Variants in NKPD1 observed in about 807,000 individuals in gnomAD.
The protein encoded by NKPD1 is NTPase KAP family P-loop domain containing 1.
In NKPD1, 37 loss-of-function variants were observed where a neutral mutation model predicts 42.2. That is an observed-to-expected ratio of 0.88 (90% CI 0.67 to 1.15). The LOEUF (loss-of-function observed/expected upper bound fraction) is 1.15, where lower values mean the gene tolerates loss of function less well. NKPD1 is among the 50% of genes most tolerant of loss of function. The pLI is 0.00. For missense variants in NKPD1, 1,113 were observed against 1,174.6 expected (o/e 0.95, Z 0.77); for synonymous variants, 552 against 536.5 (o/e 1.03, Z -0.40).
At chr19:45,159,506 G>A (rs867110620) in intron 2 of NKPD1, among the ~76,000 whole-genome samples, 4 of 152,126 alleles carry the variant, frequency 2.6e-5, no homozygotes, top group Admixed American at 6.5e-5. Flanking sequence ...GGGTGGTGGC[G>A]TGGAGAGGGG....
At chr19:45,155,493 C>T (rs1380866722) in intron 4 of NKPD1, among the ~76,000 whole-genome samples, 1 of 152,198 alleles carries the variant, frequency 6.6e-6, no homozygotes, top group African/African-American at 2.4e-5. Context: ...CTTTCTGCCT[C>T]AGGTGCTGGG....
At chr19:45,155,180 T>A (rs750185879) in intron 4 of NKPD1, among the ~76,000 whole-genome samples, 2 of 151,532 alleles carry the variant, frequency 1.3e-5, no homozygotes, top group Admixed American at 6.6e-5. Context: ...TAGCTGGGCG[T>A]GGTGGTGAGC....
intron 4 of NKPD1, 138 bp from the exon 5 acceptor site, chr19:45,153,913 C>T (rs1968853158): frequency 1.1e-6 from 1 of 880,620 alleles, no homozygotes; most frequent in African/African-American, 1.8e-5. Context: ...GAGCCGCGGC[C>T]GCTCCTTAAA....
chr19:45,155,571 T>C (rs1245729746), intron 4 of NKPD1, among the ~76,000 whole-genome samples: 1 of 150,288 alleles, frequency 6.7e-6, no homozygotes, highest in Non-Finnish European at 1.5e-5. Flanking sequence ...GTCCTTGGAG[T>C]GGATTTGGTG....
rs764156282 is a variant in NKPD1, at chr19:45,152,461, A to G, written c.1976T>C (p.Leu659Pro). ...TPRQAVAWVV[L>P]ANQWPCRLSW... ...CAGGCGGCACGGCCACTGGTTGGCG[A>G]GCACCACCCACGCCACCGCCTGGCG... is the stretch of plus-strand genomic sequence containing the variant. Residue 659 changes from leucine to proline, a missense_variant, in exon 5 of 5, where the codon CTC becomes CCC. This residue lies in a region of NKPD1 where 867 missense variants were observed against 870.1 expected (regional missense o/e 1.00). Coordinates refer to ENST00000686631, the MANE Select transcript of NKPD1 (RefSeq NM_198478.4). 1.3e-6 allele frequency: 2 copies of G among 1,554,736 alleles called. No homozygotes were observed. Among genetic ancestry groups the G allele is most frequent in the South Asian group, 1.2e-5 (1 of 86,042 alleles).
At chr19:45,160,323 T>C (rs2122802329) in intron 1 of NKPD1, among the ~76,000 whole-genome samples, 102 bp from the exon 2 acceptor site, 1 of 152,044 alleles carries the variant, frequency 6.6e-6, no homozygotes, top group East Asian at 1.9e-4. Context: ...CCTAGGTCAC[T>C]TGGGAGAAGG....
rs1034415042 is a variant in NKPD1 at position 45,158,160 on chromosome 19, G to A, written c.529+503C>T. Among the ~76,000 whole-genome samples the A allele has an allele frequency of 6.6e-6, 1 of 152,202 alleles. No homozygotes were observed. The highest frequency in any genetic ancestry group is 1.9e-4 in the East Asian group (1 of 5,202). ...CTAGAACAGGGTCTGGCACGCTCAG[G>A]GTGCTGGATACCTAGTCATGGAGTG... is the stretch of plus-strand genomic sequence containing the variant. On this transcript the variant is annotated intron_variant, in intron 3 of 4. Coordinates refer to ENST00000686631, the MANE Select transcript of NKPD1 (RefSeq NM_198478.4). This position sits in a 1 kb window ranked among gnomAD's most constrained non-coding sequence, Gnocchi z 4.6.
In NKPD1 at chr19:45,153,480, C is replaced by T. The variant is rs1968838995; in HGVS notation, c.957G>A (p.Leu319=). Residue 319 remains leucine, a synonymous_variant, in exon 5 of 5, where the codon CTG becomes CTA. Transcript: ENST00000686631. Reference sequence around the variant, plus strand: ...CCTGCCTGGTGGCCGGCTTGTTGCCCAGCACCGAGTACACGCTGAAGGGCA... The same window carrying T: ...CCTGCCTGGTGGCCGGCTTGTTGCCTAGCACCGAGTACACGCTGAAGGGCA... The part of the protein sequence containing the change: ...GALPFSVYSV[L]GNKPATRQDC... 1 of 1,554,926 alleles carries T rather than the reference C, an allele frequency of 6.4e-7. No homozygotes were observed. Among genetic ancestry groups the T allele is most frequent in the Middle Eastern group, 1.8e-4 (1 of 5,624 alleles).
rs777778169 is a variant in NKPD1, at chr19:45,152,317, G to A, written c.2120C>T (p.Ala707Val). The A allele has an allele frequency of 5.0e-6, 8 of 1,610,272 alleles. No homozygotes were observed. Among genetic ancestry groups the A allele is most frequent in the Non-Finnish European group, 6.8e-6 (8 of 1,178,646 alleles). The part of the protein sequence containing the change: ...NSRELHTMTK[A>V]LQNVLDLDGD... Reference sequence around the variant, plus strand: ...GTCCAGGTCGAGCACGTTCTGCAACGCCTTGGTCATGGTGTGCAGCTCGCG... The same window carrying A: ...GTCCAGGTCGAGCACGTTCTGCAACACCTTGGTCATGGTGTGCAGCTCGCG... Residue 707 changes from alanine (A) to valine (V), a missense_variant, in exon 5 of 5, where the codon GCG (alanine) becomes GTG (valine). Ala to Val is a moderately conservative substitution (Grantham distance 64, BLOSUM62 0). This residue lies in a region of NKPD1 where 867 missense variants were observed against 870.1 expected (regional missense o/e 1.00). Coordinates refer to ENST00000686631, the MANE Select transcript of NKPD1 (RefSeq NM_198478.4).
Position 45,153,054 on chromosome 19 carries a change from C to T in NKPD1, c.1383G>A (p.Leu461=). The change falls in exon 5 of 5, where the codon CTG becomes CTA. Residue 461 remains leucine (L), a synonymous_variant. Coordinates refer to ENST00000686631, the MANE Select transcript of NKPD1 (RefSeq NM_198478.4). ...RLRVVLEVTG[L]DTCYPERVVG... ...CCACGCGCTCCGGGTAGCACGTGTC[C>T]AGCCCGGTGACCTCCAGCACCACGC... 2 of 1,584,986 alleles carry T rather than the reference C, an allele frequency of 1.3e-6. No individual in the cohort carries two copies. Among genetic ancestry groups the T allele is most frequent in the Non-Finnish European group, 1.7e-6 (2 of 1,166,060 alleles).
At position 45,158,865 on chromosome 19, in the gene NKPD1, C is replaced by T; in HGVS notation, c.327G>A (p.Gly109=). 2 of 1,282,586 alleles carry T rather than the reference C, an allele frequency of 1.6e-6. No individual in the cohort carries two copies. Among genetic ancestry groups the T allele is most frequent in the Non-Finnish European group, 1.0e-6 (1 of 978,262 alleles). 79.5% of individuals were successfully genotyped at this position (1,282,586 alleles called of 1,614,324 possible). ...RLCPIHEAQK[G]LPATSTVPKE... ...TGGGGACAGTGGAGGTTGCAGGCAG[C>T]CCCTTCTGGGCTTCGTGAATGGGGC... Residue 109 remains glycine (G), a synonymous_variant, in exon 3 of 5, where the codon GGG becomes GGA. Transcript: ENST00000686631. This position sits in a 1 kb window ranked among gnomAD's most constrained non-coding sequence, Gnocchi z 4.6.
At position 45,155,925 on chromosome 19, in the gene NKPD1, T is replaced by C. The variant is rs1185588298; in HGVS notation, c.530-9A>G. The C allele has an allele frequency of 7.7e-7, 1 of 1,303,836 alleles. No individual in the cohort carries two copies. Among genetic ancestry groups the C allele is most frequent in the African/African-American group, 1.5e-5 (1 of 65,844 alleles). 80.8% of individuals were successfully genotyped at this position (1,303,836 alleles called of 1,614,324 possible). A position where few individuals can be genotyped will look rare whatever the true frequency, so the allele number is the denominator to read the frequency against. On this transcript the variant is annotated splice_polypyrimidine_tract_variant and intron_variant, in intron 3 of 4. Transcript: ENST00000686631. ...ATCCTCTGTCAGGATGTCTGGTGGTTGGGAGTGGGGACACTGAGTCAGGAC... is the reference window on the plus strand; with the variant it reads ...ATCCTCTGTCAGGATGTCTGGTGGTCGGGAGTGGGGACACTGAGTCAGGAC...
upstream of NKPD1, among the ~76,000 whole-genome samples, chr19:45,162,316 C>G (rs1969023053): frequency 6.6e-6 from 1 of 152,144 alleles, no homozygotes; most frequent in Non-Finnish European, 1.5e-5. Context: ...AAGGGGTGAC[C>G]CAGGCAGGGC....
At chr19:45,156,642 T>C (rs1225507959) in intron 3 of NKPD1, among the ~76,000 whole-genome samples, 1 of 152,196 alleles carries the variant, frequency 6.6e-6, no homozygotes, top group Non-Finnish European at 1.5e-5. Flanking sequence ...TTTAGGGCCC[T>C]GGGGACCAGG....
intron 3 of NKPD1, among the ~76,000 whole-genome samples, chr19:45,157,207 T>C (rs1235658659): frequency 1.3e-5 from 2 of 152,222 alleles, no homozygotes; most frequent in African/African-American, 4.8e-5. Context: ...GGAGATCCTG[T>C]CAGCTCACAT....
Position 45,153,650 on chromosome 19 carries a change from T to TG in NKPD1, c.786dup (p.Ile263HisfsTer20). On this transcript the variant is annotated frameshift_variant, in exon 5 of 5. Coordinates refer to ENST00000686631, the MANE Select transcript of NKPD1 (RefSeq NM_198478.4). LOFTEE classifies it high-confidence loss of function. The stretch of plus-strand genomic sequence containing the variant: ...CGCCGCAGGTGCACCTCGGTGATGA[T>TG]GGGCTGCAGGAACACCAGGTACCAC... 1 of 1,583,030 alleles carries TG rather than the reference T, an allele frequency of 6.3e-7. No individual in the cohort carries two copies. The highest frequency in any genetic ancestry group is 8.6e-7 in the Non-Finnish European group (1 of 1,164,776).
rs1037553866 is a variant in NKPD1 at position 45,158,496 on chromosome 19, G to C, written c.529+167C>G. 1.3e-5 allele frequency among the ~76,000 whole-genome samples: 2 copies of C among 152,274 alleles called. No individual in the cohort carries two copies. Among genetic ancestry groups the C allele is most frequent in the African/African-American group, 4.8e-5 (2 of 41,480 alleles). On this transcript the variant is annotated intron_variant, in intron 3 of 4. Transcript: ENST00000686631. The surrounding 1 kb of genome is among the most constrained non-coding windows in gnomAD (Gnocchi z 4.6). ...CTTGGACCCCAACAGGCAAAGCTGA[G>C]GCAGCCAGCCTGAGCCCCATGGCCA... is the stretch of plus-strand genomic sequence containing the variant.
chr19:45,158,580 G>A lies in NKPD1; in HGVS notation c.529+83C>T. 1 of 1,137,922 alleles carries A rather than the reference G, an allele frequency of 8.8e-7. No homozygotes were observed. The highest frequency in any genetic ancestry group is 1.7e-5 in the African/African-American group (1 of 59,532). The allele number at this position is 1,137,922 out of a possible 1,614,324, so 70.5% of individuals were successfully genotyped here. A position where few individuals can be genotyped will look rare whatever the true frequency, so the allele number is the denominator to read the frequency against. ...TGGATGAAGAGGGCAGGTGCAAGAT[G>A]CTAGGCAGGGAGCAAGGAGAGCAGG... On this transcript the variant is annotated intron_variant, in intron 3 of 4. Coordinates refer to ENST00000686631, the MANE Select transcript of NKPD1 (RefSeq NM_198478.4). The surrounding 1 kb of genome is among the most constrained non-coding windows in gnomAD (Gnocchi z 4.6).
At chr19:45,154,253 C>T (rs1373103656) in intron 4 of NKPD1, among the ~76,000 whole-genome samples, 1 of 152,196 alleles carries the variant, frequency 6.6e-6, no homozygotes, top group Admixed American at 6.5e-5. Flanking sequence ...GACTTAACTG[C>T]TCCTCCTGCA....
Sources: allele counts gnomAD v4.1 joint callset (sites outside exome capture counted in the v4.1 genomes callset), GRCh38; gene constraint gnomAD v4.1.1; regional missense constraint gnomAD v4.1.1; non-coding constraint Gnocchi (gnomAD v3.1); transcripts MANE v1.5; gene names NCBI Gene and HGNC (gene_info 2026-07-23, HGNC 2026-07-21).